Variants in SLC38A5 observed in about 807,000 individuals in gnomAD.
SLC38A5 encodes the protein sodium-coupled neutral amino acid transporter 5.
Under a neutral mutation model 34.6 loss-of-function variants are expected in SLC38A5, and 9 were observed. That is an observed-to-expected ratio of 0.26 (90% CI 0.16 to 0.45). The LOEUF is 0.45. Ranked by LOEUF, SLC38A5 falls within the 20% of genes least tolerant of loss-of-function variation. SLC38A5 has a pLI of 1.00. For missense variants in SLC38A5, 253 were observed against 394.7 expected, an observed-to-expected ratio of 0.64 and a Z score of 3.04; for synonymous variants, 157 against 155.6, an observed-to-expected ratio of 1.01 and a Z score of -0.07.
chrX:48,460,379 C>T (rs1292786918), intron 14 of SLC38A5, among the ~76,000 whole-genome samples: 2 of 111,566 alleles, frequency 1.8e-5, no homozygotes, highest in Non-Finnish European at 3.8e-5. Flanking sequence ...TCCTGCCTCC[C>T]TCTTCTTTCT....
At chrX:48,461,471 C>T (rs1201797127) in intron 12 of SLC38A5, among the ~76,000 whole-genome samples, 1 of 111,909 alleles carries the variant, frequency 8.9e-6, no homozygotes, top group Non-Finnish European at 1.9e-5. Context: ...CATCTGATCT[C>T]TGCTTCCCAA....
At position 48,461,076 on chromosome X, in the gene SLC38A5, G is replaced by A. The variant is rs200485411; in HGVS notation, c.862C>T (p.Arg288Cys). 1.3e-4 allele frequency: 152 copies of A among 1,204,961 alleles called. No homozygotes were observed. In the East Asian group the frequency reaches 3.5e-3, roughly 28 times the overall value. ...ACGTTGGCCACGGCCTGCATCCTGC[G>A]CTTGGAGGGCCTGAGGTGTAGAGGT... ...IYTELCRPSK[R>C]RMQAVANVSI... The change falls in exon 13 of 17, where the codon CGC becomes TGC. Residue 288 changes from arginine (R) to cysteine (C), a missense_variant. Arg to Cys is a radical substitution (Grantham distance 180). Transcript: ENST00000620913.
rs782510419 is a variant in SLC38A5, at chrX:48,459,005, G to C, written c.1347C>G (p.Leu449=). Reference sequence around the variant, plus strand: ...TAAAGCCTAGACTGACGGCCATGAAGAGGACTCCCAGGACTCCAAAGCACA... The same window carrying C: ...TAAAGCCTAGACTGACGGCCATGAACAGGACTCCCAGGACTCCAAAGCACA... ...QALCFGVLGV[L]FMAVSLGFMF... is the part of the protein sequence containing the mutation. The change falls in exon 17 of 17, where the codon CTC becomes CTG. Residue 449 remains leucine (L), a synonymous_variant. Transcript: ENST00000620913. 1.1e-5 allele frequency: 13 copies of C among 1,194,417 alleles called. No individual in the cohort carries two copies. Among genetic ancestry groups the C allele is most frequent in the Non-Finnish European group, 1.5e-5 (13 of 886,426 alleles).
At chrX:48,459,993 A>T in intron 14 of SLC38A5, 117 bp from the exon 15 acceptor site, 1 of 973,112 alleles carries the variant, frequency 1.0e-6, no homozygotes, top group South Asian at 2.5e-5. Flanking sequence ...CCTCCCTCTG[A>T]CTATCTATGG....
intron 8 of SLC38A5, among the ~76,000 whole-genome samples, chrX:48,465,437 A>T (rs1241485372): frequency 2.7e-5 from 3 of 111,817 alleles, no homozygotes; most frequent in Non-Finnish European, 5.6e-5. Context: ...ACCACAGCAT[A>T]CTACGTGCAC....
At chrX:48,463,405 C>A (rs1602026232) in intron 8 of SLC38A5, among the ~76,000 whole-genome samples, 2 of 110,404 alleles carry the variant, frequency 1.8e-5, no homozygotes, top group African/African-American at 6.6e-5. Context: ...GAGTTTGAGA[C>A]CAGCCTGGCC....
chrX:48,468,880 C>T, intron 2 of SLC38A5: 1 of 753,608 alleles, frequency 1.3e-6, no homozygotes, highest in African/African-American at 2.3e-5. Context: ...CCTCCCGTGG[C>T]CTACCGAGTT....
Position 48,461,074 on chromosome X carries a change from G to A in SLC38A5, c.864C>T (p.Arg288=). 2 of 1,207,484 alleles carry A rather than the reference G, an allele frequency of 1.7e-6. No individual in the cohort carries two copies. Among genetic ancestry groups the A allele is most frequent in the African/African-American group, 1.7e-5 (1 of 57,468 alleles). ...IYTELCRPSK[R]RMQAVANVSI... ...ACACGTTGGCCACGGCCTGCATCCTGCGCTTGGAGGGCCTGAGGTGTAGAG... is the reference window on the plus strand; with the variant it reads ...ACACGTTGGCCACGGCCTGCATCCTACGCTTGGAGGGCCTGAGGTGTAGAG... Residue 288 remains arginine (R), a synonymous_variant, in exon 13 of 17, where the codon CGC becomes CGT. Transcript: ENST00000620913.
intron 8 of SLC38A5, 134 bp downstream of exon 8, chrX:48,465,881 C>T: frequency 2.0e-6 from 1 of 509,223 alleles, no homozygotes; most frequent in Non-Finnish European, 3.1e-6. Flanking sequence ...TCAGTCTGAC[C>T]CAAGTGGCCT....
At position 48,461,764 on chromosome X, in the gene SLC38A5, A is replaced by C; in HGVS notation, c.805T>G (p.Phe269Val). ...SYTVPIMAFA[F>V]VCHPEVLPIY... ...GGCAGCACCTCAGGGTGGCAGACAA[A>C]AGCAAAAGCCATAATGGGCACTGTG... is the stretch of plus-strand genomic sequence containing the variant. The change falls in exon 12 of 17, where the codon TTT (phenylalanine) becomes GTT (valine). Residue 269 changes from phenylalanine (F) to valine (V), a missense_variant. Phe to Val is a conservative substitution (Grantham distance 50). Transcript: ENST00000620913. 8.3e-7 allele frequency: 1 copy of C among 1,210,504 alleles called. No homozygotes were observed. Among genetic ancestry groups the C allele is most frequent in the Non-Finnish European group, 1.1e-6 (1 of 894,841 alleles).
rs1399830716 is a variant in SLC38A5 at position 48,467,008 on chromosome X, G to A, written c.199C>T (p.Leu67=). 8.3e-7 allele frequency: 1 copy of A among 1,210,886 alleles called. No individual in the cohort carries two copies. The highest frequency in any genetic ancestry group is 1.7e-5 in the African/African-American group (1 of 57,458). Residue 67 remains leucine (L), a synonymous_variant, in exon 5 of 17, where the codon CTG becomes TTG. Coordinates refer to ENST00000620913, the MANE Select transcript of SLC38A5 (RefSeq NM_033518.4). ...TGGGCCATGGCATAGGCCAGCCCCAGGATGCCGCTGCCCATGATGGCGTTG... is the reference window on the plus strand; with the variant it reads ...TGGGCCATGGCATAGGCCAGCCCCAAGATGCCGCTGCCCATGATGGCGTTG... ...LSNAIMGSGI[L]GLAYAMAHTG...
chrX:48,459,935 T>C (rs2061423425), intron 14 of SLC38A5, 59 bp from the exon 15 acceptor site: 1 of 1,158,275 alleles, frequency 8.6e-7, no homozygotes, highest in East Asian at 3.0e-5. Flanking sequence ...CCCTTCCACG[T>C]GATCATCTGT....
intron 9 of SLC38A5, 37 bp downstream of exon 9, chrX:48,462,861 T>C (rs2061444014): frequency 3.6e-6 from 4 of 1,104,507 alleles, no homozygotes; most frequent in Non-Finnish European, 3.7e-6. Context: ...TTCTGTCTAA[T>C]CCCACTACCC....
intron 8 of SLC38A5, among the ~76,000 whole-genome samples, chrX:48,463,213 T>C (rs2061446677): frequency 8.9e-6 from 1 of 112,697 alleles, no homozygotes; most frequent in Non-Finnish European, 1.9e-5. Context: ...GGGACACAGC[T>C]AACACATACA....
intron 2 of SLC38A5, 173 bp from the exon 3 acceptor site, chrX:48,468,098 G>C: frequency 1.1e-6 from 1 of 876,186 alleles, no homozygotes; most frequent in Non-Finnish European, 1.5e-6. Flanking sequence ...CAGACTGACA[G>C]AGAAAGAGAT....
At chrX:48,468,460 C>T in intron 2 of SLC38A5, 2 of 736,329 alleles carry the variant, frequency 2.7e-6, no homozygotes, top group Non-Finnish European at 3.2e-6. Flanking sequence ...TCACCCCCCT[C>T]CTTCCCGCCT....
chrX:48,462,848 T>G, intron 9 of SLC38A5, 50 bp downstream of exon 9: 1 of 1,016,390 alleles, frequency 9.8e-7, no homozygotes, highest in Non-Finnish European at 1.4e-6. Flanking sequence ...TCAGTCTGGC[T>G]TCTTCTGTCT....
chrX:48,458,621 AGAG>A lies in SLC38A5; in HGVS notation c.*309_*311del. ...AACAGCTTCAGCCAGGAGGAGGCAGAGAGGACTGGGCTGGGCAAAGGCTCCACC... is the reference window on the plus strand; with the variant it reads ...AACAGCTTCAGCCAGGAGGAGGCAGAGACTGGGCTGGGCAAAGGCTCCACC... On this transcript the variant is annotated 3_prime_UTR_variant, in exon 17 of 17. Transcript: ENST00000620913. 1.1e-6 allele frequency: 1 copy of A among 906,260 alleles called. No homozygotes were observed. 74.7% of individuals were successfully genotyped at this position (906,260 alleles called of 1,213,427 possible). A position where few individuals can be genotyped will look rare whatever the true frequency, so the allele number is the denominator to read the frequency against.
At chrX:48,469,037 T>A in intron 2 of SLC38A5, 1 of 753,296 alleles carries the variant, frequency 1.3e-6, no homozygotes, top group Non-Finnish European at 1.6e-6. Flanking sequence ...AAGGTCCCCA[T>A]TAGAGCTCAA....
Sources: allele counts gnomAD v4.1 joint callset (sites outside exome capture counted in the v4.1 genomes callset), GRCh38; gene constraint gnomAD v4.1.1; transcripts MANE v1.5; gene names NCBI Gene and HGNC (gene_info 2026-07-23, HGNC 2026-07-21).